The following DOCK1 variants were observed in gnomAD, a reference collection of about 807,000 sequenced individuals.
The protein encoded by DOCK1 is dedicator of cytokinesis protein 1.
DOCK1 carries 138 observed loss-of-function variants against 262.7 expected under a neutral mutation model. The ratio of observed to expected loss-of-function variants is 0.53; its 90% CI spans 0.46 to 0.61. DOCK1 has a LOEUF of 0.61. Among genes scored for constraint, DOCK1 ranks in the 20% least tolerant of loss-of-function variants. The pLI, the probability that DOCK1 is intolerant of heterozygous loss-of-function variation, is 0.00. For synonymous variants in DOCK1, 866 were observed against 867.4 expected (o/e 1.00, Z 0.03); for missense variants, 1,908 against 2,370.7 (o/e 0.80, Z 4.05).
intron 31 of DOCK1, among the ~76,000 whole-genome samples, chr10:127,346,571 G>A (rs2063643330): frequency 6.6e-6 from 1 of 152,166 alleles, no homozygotes; most frequent in Non-Finnish European, 1.5e-5. Context: ...GCTCCAGCCT[G>A]GCTGACAGAG....
intron 1 of DOCK1, among the ~76,000 whole-genome samples, chr10:126,960,145 A>G (rs1468283435): frequency 1.3e-5 from 2 of 152,158 alleles, no homozygotes; most frequent in Non-Finnish European, 2.9e-5. Flanking sequence ...TTTAACATTC[A>G]GGTAATAGTT....
In DOCK1 at chr10:127,444,560, A is replaced by C. The variant is rs569951038; in HGVS notation, c.5413+281A>C. On this transcript the variant is annotated intron_variant, in intron 50 of 51. Transcript: ENST00000623213. ...TGGAGGGGACCTGTGAAGCACGTGG[A>C]ACCACCACACTTTCTATCCCAGGAC... 3.9e-5 allele frequency among the ~76,000 whole-genome samples: 6 copies of C among 152,216 alleles called. 1 individual carries two copies. Among genetic ancestry groups the C allele is most frequent in the Admixed American group, 3.9e-4 (6 of 15,294 alleles).
chr10:127,143,079 C>G (rs2051426721), intron 27 of DOCK1, among the ~76,000 whole-genome samples: 1 of 152,190 alleles, frequency 6.6e-6, no homozygotes, highest in South Asian at 2.1e-4. Flanking sequence ...CCAGCTTATT[C>G]TCTGTTTGTC....
chr10:127,291,543 G>A (rs975488208), intron 29 of DOCK1, among the ~76,000 whole-genome samples: 1 of 152,160 alleles, frequency 6.6e-6, no homozygotes, highest in African/African-American at 2.4e-5. Flanking sequence ...CGCCAGCTTT[G>A]GGGTAATTGT....
At chr10:127,068,279 A>G (rs890019391) in intron 23 of DOCK1, among the ~76,000 whole-genome samples, 1 of 152,144 alleles carries the variant, frequency 6.6e-6, no homozygotes, top group African/African-American at 2.4e-5. Flanking sequence ...TGGGATCCAC[A>G]CGGCTACTCA....
intron 27 of DOCK1, among the ~76,000 whole-genome samples, chr10:127,218,078 A>G (rs1052216356): frequency 1.3e-5 from 2 of 152,180 alleles, no homozygotes; most frequent in African/African-American, 4.8e-5. Context: ...ATAAAAGTTG[A>G]AATTTTTAAA....
At chr10:127,031,520 A>G in intron 16 of DOCK1, 130 bp from the exon 17 acceptor site, 1 of 641,378 alleles carries the variant, frequency 1.6e-6, no homozygotes, top group South Asian at 2.1e-5. Flanking sequence ...TATTTATTAG[A>G]TTAGCTTTAA....
At chr10:127,017,536 GACACACAGAC>G (rs2042086020) in intron 12 of DOCK1, among the ~76,000 whole-genome samples, 1 of 123,470 alleles carries the variant, frequency 8.1e-6, no homozygotes. Flanking sequence ...GACACACATG[GACACACAGAC>G]ACACACACAC....
chr10:127,298,835 C>T lies in DOCK1; in HGVS notation c.3045-40171C>T, dbSNP rs4282912. Among the ~76,000 whole-genome samples, 1,344 of 152,194 alleles carry T rather than the reference C, an allele frequency of 8.8e-3. 25 individuals are homozygous for T. The highest frequency in any genetic ancestry group is 0.03 in the African/African-American group (1,260 of 41,522). Reference sequence around the variant, plus strand: ...TCTGCATTTTGACGTAGGAGGATACCTGAGGGCCATGGTTGTGAGAAAGGA... The same window carrying T: ...TCTGCATTTTGACGTAGGAGGATACTTGAGGGCCATGGTTGTGAGAAAGGA... On this transcript the variant is annotated intron_variant, in intron 29 of 51. Transcript: ENST00000623213.
chr10:126,963,611 TTC>T (rs2037407124), intron 1 of DOCK1, among the ~76,000 whole-genome samples: 1 of 51,594 alleles, frequency 1.9e-5, no homozygotes, highest in Non-Finnish European at 3.2e-5. Flanking sequence ...TTCCCTTCCC[TTC>T]CCTTCCCTTC....
intron 32 of DOCK1, among the ~76,000 whole-genome samples, chr10:127,359,564 T>A (rs2064311053): frequency 6.6e-6 from 1 of 152,232 alleles, no homozygotes; most frequent in South Asian, 2.1e-4. Flanking sequence ...ATAATAGCAT[T>A]TTCAAGAGAA....
intron 24 of DOCK1, among the ~76,000 whole-genome samples, chr10:127,106,892 T>C (rs1217189354): frequency 6.6e-6 from 1 of 152,164 alleles, no homozygotes; most frequent in African/African-American, 2.4e-5. Context: ...TGCTGTTTGT[T>C]TCCTAATCTG....
chr10:126,989,175 A>G (rs1591550804), intron 5 of DOCK1, among the ~76,000 whole-genome samples: 1 of 152,194 alleles, frequency 6.6e-6, no homozygotes, highest in East Asian at 1.9e-4. Flanking sequence ...TGGACAAGAG[A>G]AGGCAGCGTG....
chr10:127,347,613 A>G (rs1421723506), intron 31 of DOCK1, among the ~76,000 whole-genome samples: 1 of 149,802 alleles, frequency 6.7e-6, no homozygotes, highest in East Asian at 2.0e-4. Context: ...CTGGGAGTCA[A>G]CCTCACACTC....
At chr10:127,282,251 T>G (rs559074747) in intron 29 of DOCK1, among the ~76,000 whole-genome samples, 1 of 142,476 alleles carries the variant, frequency 7.0e-6, no homozygotes, top group African/African-American at 2.9e-5. Context: ...GTCTCTTTTC[T>G]CTCTCTCTCT....
At chr10:127,296,963 T>A (rs2061525439) in intron 29 of DOCK1, among the ~76,000 whole-genome samples, 1 of 152,076 alleles carries the variant, frequency 6.6e-6, no homozygotes, top group Non-Finnish European at 1.5e-5. Context: ...CTGTGTCAAG[T>A]GTTCTGAACA....
chr10:127,175,338 G>C lies in DOCK1; in HGVS notation c.2847+47574G>C, dbSNP rs143671561. 4.3e-6 allele frequency: 7 copies of C among 1,614,106 alleles called. 1 individual carries two copies. The African/African-American group carries it at 5.3e-5, about 12-fold the overall frequency. The stretch of plus-strand genomic sequence containing the variant: ...TTGTGCTTTGAGGTCGACCACTTCC[G>C]TATGAGGCACGATTCGTTGGCATTC... On this transcript the variant is annotated intron_variant, in intron 27 of 51. Coordinates refer to ENST00000623213, the MANE Select transcript of DOCK1 (RefSeq NM_001290223.2). The surrounding 1 kb of genome is among the most constrained non-coding windows in gnomAD (Gnocchi z 6.3).
At chr10:127,179,219 G>A (rs983420776) in intron 27 of DOCK1, among the ~76,000 whole-genome samples, 6 of 152,164 alleles carry the variant, frequency 3.9e-5, no homozygotes, top group African/African-American at 1.4e-4. Flanking sequence ...GTTGGCTGGG[G>A]TAAGAAATAT....
chr10:127,094,539 G>C (rs2047785976), intron 23 of DOCK1, among the ~76,000 whole-genome samples: 1 of 152,304 alleles, frequency 6.6e-6, no homozygotes, highest in Admixed American at 6.5e-5. Flanking sequence ...GGGTGGGCTA[G>C]AGCCTGGGAC....
Sources: allele counts gnomAD v4.1 joint callset (sites outside exome capture counted in the v4.1 genomes callset), GRCh38; gene constraint gnomAD v4.1.1; non-coding constraint Gnocchi (gnomAD v3.1); transcripts MANE v1.5; gene names NCBI Gene and HGNC (gene_info 2026-07-23, HGNC 2026-07-21).